Variants in YWHAQ observed in about 807,000 individuals in gnomAD.
YWHAQ encodes the protein tyrosine 3-monooxygenase/tryptophan 5-monooxygenase activation protein theta.
Under a neutral mutation model 28.3 loss-of-function variants are expected in YWHAQ, and 6 were observed. The ratio of observed to expected loss-of-function variants is 0.21; its 90% CI spans 0.12 to 0.42. The LOEUF is 0.42. YWHAQ is among the 10% of genes least tolerant of loss of function. The probability of loss-of-function intolerance (pLI) is 1.00; values close to 1 mark genes in which losing one functional copy is unlikely to be tolerated. For missense variants in YWHAQ, 201 were observed against 305.6 expected, an observed-to-expected ratio of 0.66 and a Z score of 2.55; for synonymous variants, 143 against 119.1, an observed-to-expected ratio of 1.20 and a Z score of -1.31.
chr2:9,596,970 AAG>A (rs1185633423), intron 2 of YWHAQ, among the ~76,000 whole-genome samples: 4 of 152,236 alleles, frequency 2.6e-5, no homozygotes, highest in African/African-American at 9.6e-5. Flanking sequence ...TAAAACAAAA[AAG>A]GGACAGAGTA....
intron 2 of YWHAQ, among the ~76,000 whole-genome samples, chr2:9,621,108 A>G (rs1244164786): frequency 1.3e-5 from 2 of 152,192 alleles, no homozygotes; most frequent in African/African-American, 4.8e-5. Flanking sequence ...GTGGAATACT[A>G]CAATAGGTTG....
chr2:9,621,202 G>T (rs1187416909), intron 2 of YWHAQ, among the ~76,000 whole-genome samples: 1 of 152,072 alleles, frequency 6.6e-6, no homozygotes, highest in African/African-American at 2.4e-5. Flanking sequence ...GATCAAATTT[G>T]TGAACCACTG....
intron 2 of YWHAQ, among the ~76,000 whole-genome samples, chr2:9,619,255 A>G (rs1667093735): frequency 6.6e-6 from 1 of 152,222 alleles, no homozygotes; most frequent in African/African-American, 2.4e-5. Flanking sequence ...TGGTATCTGT[A>G]TAAGAAGGAT....
At position 9,588,731 on chromosome 2, in the gene YWHAQ, A is replaced by G. The variant is rs183185626; in HGVS notation, c.419-403T>C. Among the ~76,000 whole-genome samples, 618 of 152,246 alleles carry G rather than the reference A, an allele frequency of 4.1e-3. 4 individuals are homozygous for G. Among genetic ancestry groups the G allele is most frequent in the African/African-American group, 0.014 (590 of 41,538 alleles). On this transcript the variant is annotated intron_variant, in intron 3 of 5. Transcript: ENST00000238081. ...GGTTGCAGTGAGCCGACATCACACC[A>G]CTGCACTCCAGCTTGGGCAACAGAA...
At chr2:9,596,076 A>G (rs1042099378) in intron 2 of YWHAQ, among the ~76,000 whole-genome samples, 6 of 152,244 alleles carry the variant, frequency 3.9e-5, no homozygotes, top group South Asian at 2.1e-4. Context: ...AAAGGAACTC[A>G]GAATAAGTTT....
At chr2:9,596,844 G>A (rs1666581164) in intron 2 of YWHAQ, among the ~76,000 whole-genome samples, 3 of 152,034 alleles carry the variant, frequency 2.0e-5, no homozygotes, top group African/African-American at 7.2e-5. Context: ...ACTGGGATAG[G>A]GTTTCACCAT....
intron 2 of YWHAQ, among the ~76,000 whole-genome samples, chr2:9,628,300 T>C (rs1429734226): frequency 6.6e-6 from 1 of 152,240 alleles, no homozygotes; most frequent in Non-Finnish European, 1.5e-5. Context: ...GAGACTGTCC[T>C]AAATTCAGGG....
At chr2:9,605,761 C>T (rs866273624) in intron 2 of YWHAQ, among the ~76,000 whole-genome samples, 22 of 151,186 alleles carry the variant, frequency 1.5e-4, no homozygotes, top group African/African-American at 5.3e-4. Flanking sequence ...GGGGTTTTCA[C>T]CATGTTGGCC....
chr2:9,604,898 A>G (rs1204571321), intron 2 of YWHAQ, among the ~76,000 whole-genome samples: 1 of 152,258 alleles, frequency 6.6e-6, no homozygotes, highest in Non-Finnish European at 1.5e-5. Context: ...GTTATTTTTC[A>G]TTCACAAAAT....
At chr2:9,604,861 G>A (rs1351520709) in intron 2 of YWHAQ, among the ~76,000 whole-genome samples, 2 of 152,192 alleles carry the variant, frequency 1.3e-5, no homozygotes, top group Non-Finnish European at 2.9e-5. Flanking sequence ...CTCTTAAGCA[G>A]ATGAACTCAA....
rs1399041909 is a variant in YWHAQ at position 9,630,618 on chromosome 2, T to A, written c.-82-84A>T. 4.8e-6 allele frequency: 3 copies of A among 627,396 alleles called. No homozygotes were observed. Among genetic ancestry groups the A allele is most frequent in the South Asian group, 4.6e-5 (2 of 43,022 alleles). The allele number at this position is 627,396 out of a possible 1,614,324, so 38.9% of individuals were successfully genotyped here. On this transcript the variant is annotated intron_variant, in intron 1 of 5. Transcript: ENST00000238081. This position sits in a 1 kb window ranked among gnomAD's most constrained non-coding sequence, Gnocchi z 5.6. ...CAATGCGGCCCGCCGCCCGCTTTTG[T>A]CTCCCGCACACGCGGCCGCTTGAAT... is the stretch of plus-strand genomic sequence containing the variant.
chr2:9,590,977 A>G (rs920718682), intron 3 of YWHAQ, among the ~76,000 whole-genome samples: 1 of 152,240 alleles, frequency 6.6e-6, no homozygotes, highest in Non-Finnish European at 1.5e-5. Context: ...CAGCAAAAGC[A>G]CAACAACCTG....
At chr2:9,586,482 C>A (rs1396650232) in intron 5 of YWHAQ, among the ~76,000 whole-genome samples, 2 of 152,106 alleles carry the variant, frequency 1.3e-5, no homozygotes, top group African/African-American at 4.8e-5. Flanking sequence ...CAAAACAAAA[C>A]CGATTAAAAG....
intron 2 of YWHAQ, among the ~76,000 whole-genome samples, chr2:9,624,502 C>T (rs146470334): frequency 4.0e-4 from 61 of 152,216 alleles, no homozygotes; most frequent in African/African-American, 1.5e-3. Context: ...CAAGGCATCT[C>T]AACCTTGGCA....
intron 2 of YWHAQ, among the ~76,000 whole-genome samples, chr2:9,617,067 T>A (rs912982680): frequency 1.3e-5 from 2 of 151,880 alleles, no homozygotes; most frequent in Middle Eastern, 6.9e-3. Context: ...TTCACGCCAT[T>A]CTCCTGCCTC....
intron 2 of YWHAQ, among the ~76,000 whole-genome samples, chr2:9,617,389 C>G (rs1199360375): frequency 6.6e-6 from 1 of 152,236 alleles, no homozygotes; most frequent in East Asian, 1.9e-4. Flanking sequence ...GACAACTATT[C>G]TATAATTCCA....
intron 4 of YWHAQ, 91 bp downstream of exon 4, chr2:9,588,074 T>C: frequency 1.4e-6 from 2 of 1,412,922 alleles, no homozygotes; most frequent in Non-Finnish European, 1.9e-6. Flanking sequence ...AAATCATCCC[T>C]GGGTATCCAA....
intron 3 of YWHAQ, among the ~76,000 whole-genome samples, chr2:9,590,188 G>A (rs1308218165): frequency 6.6e-6 from 1 of 152,208 alleles, no homozygotes; most frequent in Admixed American, 6.5e-5. Flanking sequence ...TCAGGTTAAA[G>A]CTACAGCTAT....
intron 2 of YWHAQ, among the ~76,000 whole-genome samples, chr2:9,624,900 G>C (rs1269517749): frequency 6.6e-6 from 1 of 151,650 alleles, no homozygotes; most frequent in Admixed American, 6.6e-5. Flanking sequence ...CCGCCACTAC[G>C]CCAGGCTAAT....
Sources: gnomAD v4.1 joint callset for allele counts (sites outside exome capture counted in the v4.1 genomes callset) on GRCh38, gnomAD v4.1.1 for gene constraint, Gnocchi (gnomAD v3.1) non-coding constraint, MANE v1.5 for transcripts, NCBI Gene and HGNC (gene_info 2026-07-23, HGNC 2026-07-21) for gene names.